Variants in CDC6 observed in about 807,000 individuals in gnomAD.
The protein encoded by CDC6 is cell division cycle 6, also known as DNA replication factor CDC6.
CDC6 carries 46 observed loss-of-function variants against 60.2 expected under a neutral mutation model. That is an observed-to-expected ratio of 0.76 (90% confidence interval 0.60 to 0.98). The LOEUF (loss-of-function observed/expected upper bound fraction) is 0.98. Ranked by LOEUF, CDC6 falls within the 50% of genes least tolerant of loss-of-function variation. CDC6 has a pLI of 0.00. For missense variants in CDC6, 596 were observed against 652.9 expected, an observed-to-expected ratio of 0.91 and a Z score of 0.95; for synonymous variants, 210 against 233.2, an observed-to-expected ratio of 0.90 and a Z score of 0.90.
At chr17:40,294,214 C>T (rs1356939028) in intron 6 of CDC6, 150 bp from the exon 7 acceptor site, 2 of 850,932 alleles carry the variant, frequency 2.4e-6, no homozygotes, top group Non-Finnish European at 3.9e-6. Flanking sequence ...ATAGATACAT[C>T]TTATCTATTG....
chr17:40,303,419 C>T lies in CDC6; in HGVS notation c.*1418C>T, dbSNP rs1034146378. ...CCTCTACCTTTCTGACATGGCCTTC[C>T]ATTTGGAACTTGATATGTGTACAAG... On this transcript the variant is annotated 3_prime_UTR_variant, in exon 12 of 12. Transcript: ENST00000209728. The T allele has an allele frequency of 1.3e-5, 2 of 152,212 alleles. No individual in the cohort carries two copies. Among genetic ancestry groups the T allele is most frequent in the African/African-American group, 4.8e-5 (2 of 41,454 alleles). The allele number at this position is 152,212 out of a possible 1,614,324, so 9.4% of individuals were successfully genotyped here.
chr17:40,292,440 G>A (rs918102095), intron 4 of CDC6, among the ~76,000 whole-genome samples: 2 of 151,532 alleles, frequency 1.3e-5, no homozygotes, highest in Admixed American at 1.3e-4. Context: ...AGACCACCCT[G>A]GTCAACATGG....
At chr17:40,293,767 C>T (rs2032810866) in intron 5 of CDC6, 136 bp downstream of exon 5, 2 of 898,948 alleles carry the variant, frequency 2.2e-6, no homozygotes, top group Non-Finnish European at 1.8e-6. Flanking sequence ...GAAGATACAC[C>T]TAATTTTAAA....
intron 9 of CDC6, among the ~76,000 whole-genome samples, chr17:40,297,819 CT>C (rs1392021906): frequency 1.3e-5 from 2 of 152,108 alleles, no homozygotes; most frequent in Non-Finnish European, 2.9e-5. Flanking sequence ...ATATCTCAAG[CT>C]TTTAAACAAG....
At chr17:40,288,731 C>T (rs1172219829) in intron 1 of CDC6, among the ~76,000 whole-genome samples, 1 of 152,106 alleles carries the variant, frequency 6.6e-6, no homozygotes, top group Non-Finnish European at 1.5e-5. Context: ...ACTACAGGCG[C>T]CCACCACCAC....
At chr17:40,292,414 T>A (rs555451869) in intron 4 of CDC6, among the ~76,000 whole-genome samples, 1 of 150,090 alleles carries the variant, frequency 6.7e-6, no homozygotes, top group African/African-American at 2.5e-5. Flanking sequence ...GTGGATCACC[T>A]AAGGTCAGGA....
rs769351783 is a variant in CDC6 at position 40,295,410 on chromosome 17, GTC to G, written c.1142_1143del (p.Ser381CysfsTer18). 1.2e-6 allele frequency: 2 copies of G among 1,613,618 alleles called. No individual in the cohort carries two copies. The highest frequency in any genetic ancestry group is 2.7e-5 in the African/African-American group (2 of 74,788). ...NAAVQFCARK[V>X]SAVSGDVRKA... ...TGCAGTTCAATTCTGTGCCCGCAAA[GTC>G]TCTGCTGTTTCAGGAGATGTTCGCA... is the stretch of plus-strand genomic sequence containing the variant. On this transcript the variant is annotated frameshift_variant, in exon 8 of 12. Transcript: ENST00000209728. LOFTEE classifies it high-confidence loss of function.
chr17:40,296,555 G>A (rs2032862576), intron 8 of CDC6, 148 bp from the exon 9 acceptor site: 1 of 641,528 alleles, frequency 1.6e-6, no homozygotes, highest in Non-Finnish European at 2.8e-6. Context: ...CGTAGGATAT[G>A]TGTAGGCTAA....
Position 40,304,040 on chromosome 17 carries a change from G to T in CDC6, c.*2039G>T, listed in dbSNP as rs1474549300. On this transcript the variant is annotated 3_prime_UTR_variant, in exon 12 of 12. Transcript: ENST00000209728. The stretch of plus-strand genomic sequence containing the variant: ...GTGGGGCTGCTATGTATCCTCCCTG[G>T]CTTCCAGCCAAAATCACATTGGTAG... 1 of 152,230 alleles carries T rather than the reference G, an allele frequency of 6.6e-6. No homozygotes were observed. Among genetic ancestry groups the T allele is most frequent in the African/African-American group, 2.4e-5 (1 of 41,462 alleles). The allele number at this position is 152,230 out of a possible 1,614,324, so 9.4% of individuals were successfully genotyped here.
Position 40,289,474 on chromosome 17 carries a change from G to C in CDC6, c.54G>C (p.Lys18Asn), listed in dbSNP as rs533138014. ...AQATISFPKRKLSRALNKAKN... is the reference protein window; with the variant it reads ...AQATISFPKRNLSRALNKAKN... Reference sequence around the variant, plus strand: ...CTACAATCAGTTTTCCAAAAAGGAAGCTGTCTCGGGCATTGAACAAAGCTA... The same window carrying C: ...CTACAATCAGTTTTCCAAAAAGGAACCTGTCTCGGGCATTGAACAAAGCTA... The change falls in exon 2 of 12, where the codon AAG becomes AAC. Residue 18 changes from lysine to asparagine, a missense_variant. Physicochemically the swap from Lys to Asn is moderately conservative, Grantham distance 94. Transcript: ENST00000209728. 1.2e-6 allele frequency: 2 copies of C among 1,613,942 alleles called. No homozygotes were observed. The highest frequency in any genetic ancestry group is 2.2e-5 in the South Asian group (2 of 91,074).
At position 40,299,138 on chromosome 17, in the gene CDC6, C is replaced by CTTTTTTTTTTTTTTTT. The variant is rs67162965; in HGVS notation, c.1250-1677_1250-1662dup. Among the ~76,000 whole-genome samples, 18 of 60,780 alleles carry CTTTTTTTTTTTTTTTT rather than the reference C, an allele frequency of 3.0e-4. 2 individuals carry two copies. The highest frequency in any genetic ancestry group is 6.2e-4 in the African/African-American group (8 of 13,002). 39.9% of individuals were successfully genotyped at this position (60,780 alleles called of 152,430 possible). ...CATCTCCAAACGATAAGGCCATAGT[C>CTTTTTTTTTTTTTTTT]TTTTTTTTTTTTTTTTTTTTTTTTT... On this transcript the variant is annotated intron_variant, in intron 9 of 11. Coordinates refer to ENST00000209728, the MANE Select transcript of CDC6 (RefSeq NM_001254.4).
chr17:40,302,315 C>T lies in CDC6; in HGVS notation c.*314C>T, dbSNP rs2032951159. 2 of 306,060 alleles carry T rather than the reference C, an allele frequency of 6.5e-6. No individual in the cohort carries two copies. The highest frequency in any genetic ancestry group is 4.0e-5 in the South Asian group (1 of 24,736). The allele number at this position is 306,060 out of a possible 1,614,324, so 19.0% of individuals were successfully genotyped here. A position where few individuals can be genotyped will look rare whatever the true frequency, so the allele number is the denominator to read the frequency against. On this transcript the variant is annotated 3_prime_UTR_variant, in exon 12 of 12. Transcript: ENST00000209728. ...AGGAATGTGTGTATATTTACCTCTTCGTTTGCTCAAACATGAGTGGGTATT... is the reference window on the plus strand; with the variant it reads ...AGGAATGTGTGTATATTTACCTCTTTGTTTGCTCAAACATGAGTGGGTATT...
Position 40,302,316 on chromosome 17 carries a change from G to C in CDC6, c.*315G>C, listed in dbSNP as rs761582695. The C allele has an allele frequency of 4.9e-5, 15 of 306,156 alleles. No homozygotes were observed. Among genetic ancestry groups the C allele is most frequent in the Non-Finnish European group, 8.0e-5 (13 of 163,134 alleles). 19.0% of individuals were successfully genotyped at this position (306,156 alleles called of 1,614,324 possible). A position where few individuals can be genotyped will look rare whatever the true frequency, so the allele number is the denominator to read the frequency against. On this transcript the variant is annotated 3_prime_UTR_variant, in exon 12 of 12. Transcript: ENST00000209728. ...GGAATGTGTGTATATTTACCTCTTCGTTTGCTCAAACATGAGTGGGTATTT... is the reference window on the plus strand; with the variant it reads ...GGAATGTGTGTATATTTACCTCTTCCTTTGCTCAAACATGAGTGGGTATTT...
intron 1 of CDC6, among the ~76,000 whole-genome samples, chr17:40,288,624 T>G (rs1314994100): frequency 6.5e-5 from 9 of 138,504 alleles, no homozygotes; most frequent in African/African-American, 1.1e-4. Context: ...TCGCTCGGTC[T>G]CCCAGGCTGG....
chr17:40,288,694 C>T (rs978402736), intron 1 of CDC6, among the ~76,000 whole-genome samples: 2 of 151,888 alleles, frequency 1.3e-5, no homozygotes, highest in African/African-American at 4.8e-5. Flanking sequence ...ATGCCATTCT[C>T]CTGCCTCAGC....
At chr17:40,300,620 G>A (rs980488969) in intron 9 of CDC6, among the ~76,000 whole-genome samples, 2 of 152,170 alleles carry the variant, frequency 1.3e-5, no homozygotes, top group Non-Finnish European at 1.5e-5. Context: ...TACTTTTCAA[G>A]TCATCCCACA....
Position 40,302,020 on chromosome 17 carries a change from A to G in CDC6, c.*19A>G. 4.5e-6 allele frequency: 6 copies of G among 1,347,528 alleles called. No homozygotes were observed. Among genetic ancestry groups the G allele is most frequent in the Non-Finnish European group, 6.4e-6 (6 of 936,566 alleles). 83.5% of individuals were successfully genotyped at this position (1,347,528 alleles called of 1,614,324 possible). A position where few individuals can be genotyped will look rare whatever the true frequency, so the allele number is the denominator to read the frequency against. On this transcript the variant is annotated 3_prime_UTR_variant, in exon 12 of 12. Coordinates refer to ENST00000209728, the MANE Select transcript of CDC6 (RefSeq NM_001254.4). ...GCCTTAAATTCTTCTCTTACACCCC[A>G]CCCGAAAGTATTCAGCTGGCATTTA...
chr17:40,292,903 A>C (rs57179137), intron 4 of CDC6, among the ~76,000 whole-genome samples: 36,195 of 151,200 alleles, frequency 0.24, 6,207 homozygotes, highest in African/African-American at 0.49. Flanking sequence ...GCACTCCAGC[A>C]TGGGCGACAG....
At chr17:40,290,638 A>G (rs2032741884) in intron 2 of CDC6, among the ~76,000 whole-genome samples, 1 of 152,138 alleles carries the variant, frequency 6.6e-6, no homozygotes, top group South Asian at 2.1e-4. Flanking sequence ...CAAACCCTAC[A>G]TATACTGTGT....
Sources: gnomAD v4.1 joint callset for allele counts (sites outside exome capture counted in the v4.1 genomes callset) on GRCh38, gnomAD v4.1.1 for gene constraint, MANE v1.5 for transcripts, NCBI Gene and HGNC (gene_info 2026-07-23, HGNC 2026-07-21) for gene names.